REPS2: variants seen among roughly 807,000 people sequenced by gnomAD.
The protein encoded by REPS2 is RALBP1 associated Eps domain containing 2.
In REPS2, 23 loss-of-function variants were observed where a neutral mutation model predicts 53.6. The observed-to-expected ratio is 0.43, with a 90% CI of 0.31 to 0.61. The LOEUF is 0.61. Among genes scored for constraint, REPS2 ranks in the 20% least tolerant of loss-of-function variants. The pLI is 0.11. For missense variants in REPS2, 446 were observed against 534.9 expected, an observed-to-expected ratio of 0.83 and a Z score of 1.64; for synonymous variants, 238 against 218.6, an observed-to-expected ratio of 1.09 and a Z score of -0.78.
chrX:17,059,621 C>G (rs774536033), intron 8 of REPS2, among the ~76,000 whole-genome samples: 1 of 110,007 alleles, frequency 9.1e-6, no homozygotes, highest in South Asian at 3.9e-4. Context: ...GTGCCTGCTA[C>G]CATGCCTGAC....
downstream of REPS2, among the ~76,000 whole-genome samples, chrX:17,155,174 G>T (rs1204856083): frequency 9.0e-6 from 1 of 111,593 alleles, no homozygotes; most frequent in Admixed American, 9.5e-5. Context: ...GAAGTCCAAG[G>T]TCGAGGGGCC....
intron 16 of REPS2, 122 bp downstream of exon 16, chrX:17,135,528 T>G (rs1318642791): frequency 1.2e-6 from 1 of 852,215 alleles, no homozygotes; most frequent in Non-Finnish European, 1.7e-6. Flanking sequence ...TAAGTTTATC[T>G]TGCTCATCTC....
At chrX:16,995,631 C>A (rs1201607570) in intron 1 of REPS2, among the ~76,000 whole-genome samples, 1 of 112,170 alleles carries the variant, frequency 8.9e-6, no homozygotes, top group Non-Finnish European at 1.9e-5. Context: ...ATTAGAAACT[C>A]TGACACGGCT....
chrX:17,015,020 C>T (rs766326994), intron 2 of REPS2, among the ~76,000 whole-genome samples: 1 of 113,130 alleles, frequency 8.8e-6, no homozygotes, highest in Non-Finnish European at 1.9e-5. Context: ...TTTGTGTGGC[C>T]TCCGGCCAGT....
intron 1 of REPS2, among the ~76,000 whole-genome samples, chrX:16,949,655 G>T (rs974207351): frequency 8.9e-6 from 1 of 112,142 alleles, no homozygotes. Context: ...TGATCCACCC[G>T]CCTCAGCCTC....
intron 1 of REPS2, among the ~76,000 whole-genome samples, chrX:16,999,588 C>T (rs1374121920): frequency 1.8e-5 from 2 of 110,068 alleles, no homozygotes; most frequent in Non-Finnish European, 3.8e-5. Context: ...TCCTTCTAGC[C>T]CTAAATTAAA....
intron 1 of REPS2, among the ~76,000 whole-genome samples, chrX:16,952,635 A>AT (rs1162467930): frequency 2.7e-5 from 3 of 112,339 alleles, no homozygotes; most frequent in Non-Finnish European, 3.8e-5. Flanking sequence ...CTCTCTTCTG[A>AT]TTTTTTGAAG....
intron 6 of REPS2, among the ~76,000 whole-genome samples, chrX:17,051,655 G>A (rs1302518723): frequency 1.8e-5 from 2 of 112,218 alleles, no homozygotes; most frequent in South Asian, 3.7e-4. Flanking sequence ...GAATATTTGT[G>A]TACCAGTTTT....
chrX:17,034,307 A>G (rs181673297), intron 5 of REPS2, among the ~76,000 whole-genome samples: 1 of 110,999 alleles, frequency 9.0e-6, no homozygotes, highest in Admixed American at 9.6e-5. Context: ...ATATTTATTT[A>G]TTTTTTTAGA....
At chrX:17,110,922 G>A (rs867000631) in intron 14 of REPS2, among the ~76,000 whole-genome samples, 14 of 111,245 alleles carry the variant, frequency 1.3e-4, no homozygotes, top group Middle Eastern at 4.6e-3. Flanking sequence ...GCTGAGGCAG[G>A]AGAATTGCTT....
In REPS2 at chrX:17,022,344, T is replaced by C. The variant is rs2061587948; in HGVS notation, c.546+73T>C. Reference sequence around the variant, plus strand: ...GCATGTAGCAGGGCCTCGTATCTACTGTTCAGCTTCCAGCAAATCTCACCA... The same window carrying C: ...GCATGTAGCAGGGCCTCGTATCTACCGTTCAGCTTCCAGCAAATCTCACCA... On this transcript the variant is annotated intron_variant, in intron 3 of 17. Coordinates refer to ENST00000357277, the MANE Select transcript of REPS2 (RefSeq NM_004726.3). 7.3e-6 allele frequency: 7 copies of C among 963,182 alleles called. No individual in the cohort carries two copies. In the East Asian group the frequency reaches 1.9e-4, roughly 26 times the overall value. 79.4% of individuals were successfully genotyped at this position (963,182 alleles called of 1,213,427 possible).
chrX:17,051,496 T>G (rs1177006872), intron 6 of REPS2, among the ~76,000 whole-genome samples: 2 of 112,172 alleles, frequency 1.8e-5, no homozygotes, highest in African/African-American at 6.5e-5. Context: ...TTTTAAAGGC[T>G]CATTCATGTT....
intron 14 of REPS2, among the ~76,000 whole-genome samples, chrX:17,127,729 T>TC (rs1488675709): frequency 9.0e-6 from 1 of 111,442 alleles, no homozygotes; most frequent in African/African-American, 3.3e-5. Flanking sequence ...TGCCTTTTTG[T>TC]CCCCCCAGAA....
intron 2 of REPS2, among the ~76,000 whole-genome samples, chrX:17,010,594 C>A (rs758191178): frequency 8.9e-6 from 1 of 111,798 alleles, no homozygotes; most frequent in Non-Finnish European, 1.9e-5. Context: ...GTCTTCCTCA[C>A]TTGTCCAGTT....
At chrX:17,174,253 C>G in the REPS2 span, among the ~76,000 whole-genome samples, 1 of 111,752 alleles carries the variant, frequency 8.9e-6, no homozygotes, top group Non-Finnish European at 1.9e-5. Flanking sequence ...TCTCCTTTGT[C>G]AAATAGGGTT....
At chrX:17,096,646 C>T (rs1377660377) in intron 13 of REPS2, among the ~76,000 whole-genome samples, 3 of 55,918 alleles carry the variant, frequency 5.4e-5, no homozygotes, top group African/African-American at 1.6e-4. Context: ...GGCGACAGAG[C>T]GAGACTCCGT....
At chrX:17,157,016 G>A (rs1178100303), downstream of REPS2, among the ~76,000 whole-genome samples, 2 of 111,218 alleles carry the variant, frequency 1.8e-5, no homozygotes, top group African/African-American at 6.5e-5. Flanking sequence ...TCATTTACAT[G>A]AGGCATTTGT....
At position 17,052,345 on chromosome X, in the gene REPS2, GTAAT is replaced by G. The variant is rs759451592; in HGVS notation, c.908-32_908-29del. The G allele has an allele frequency of 2.4e-5, 27 of 1,124,745 alleles. No individual in the cohort carries two copies. In the South Asian group the frequency reaches 5.3e-4, roughly 22 times the overall value. The allele number at this position is 1,124,745 out of a possible 1,213,427, so 92.7% of individuals were successfully genotyped here. On this transcript the variant is annotated intron_variant, in intron 6 of 17. Coordinates refer to ENST00000357277, the MANE Select transcript of REPS2 (RefSeq NM_004726.3). ...TAAATGTAAAAGCTACTCTAGCTGAGTAATTAATGGTTTATTTAAACAATGGCAC... is the reference window on the plus strand; with the variant it reads ...TAAATGTAAAAGCTACTCTAGCTGAGTAATGGTTTATTTAAACAATGGCAC...
At chrX:16,975,661 T>C (rs749579095) in intron 1 of REPS2, among the ~76,000 whole-genome samples, 3 of 112,099 alleles carry the variant, frequency 2.7e-5, no homozygotes, top group Non-Finnish European at 5.6e-5. Flanking sequence ...TAAATTACTG[T>C]TTGCTTAAGT....
Sources: allele counts gnomAD v4.1 joint callset (sites outside exome capture counted in the v4.1 genomes callset), GRCh38; gene constraint gnomAD v4.1.1; transcripts MANE v1.5; gene names NCBI Gene and HGNC (gene_info 2026-07-23, HGNC 2026-07-21).